The following CRYL1 variants were observed in gnomAD, a reference collection of about 807,000 sequenced individuals.
CRYL1 encodes crystallin lambda 1, also known as lambda-crystallin homolog.
In CRYL1, 29 loss-of-function variants were observed where a neutral mutation model predicts 36.6. That is an observed-to-expected ratio of 0.79 (90% CI 0.59 to 1.08). CRYL1 has a LOEUF of 1.08. Ranked by LOEUF, CRYL1 falls within the 50% of genes least tolerant of loss-of-function variation. The probability of loss-of-function intolerance (pLI) is 0.00; values close to 1 mark genes in which losing one functional copy is unlikely to be tolerated. For missense variants in CRYL1, 411 were observed against 407.9 expected (o/e 1.01, Z -0.06); for synonymous variants, 152 against 151.5 (o/e 1.00, Z -0.02).
rs192344553 is a variant in CRYL1, at chr13:20,510,866, G to A, written c.149+1577C>T. On this transcript the variant is annotated intron_variant, in intron 2 of 7. Transcript: ENST00000298248. ...GAGCTCAGGCAAAAGGGTTTATTAC[G>A]AGAATTTAATACAGTAAGATTACTA... Among the ~76,000 whole-genome samples, 441 of 151,952 alleles carry A rather than the reference G, an allele frequency of 2.9e-3. 3 individuals are homozygous for A. Among genetic ancestry groups the A allele is most frequent in the Non-Finnish European group, 2.1e-3 (145 of 67,940 alleles).
intron 3 of CRYL1, among the ~76,000 whole-genome samples, chr13:20,465,786 C>T (rs2032919326): frequency 6.6e-6 from 1 of 152,174 alleles, no homozygotes; most frequent in Admixed American, 6.5e-5. Flanking sequence ...ATATTTGATC[C>T]TCCAAATCTC....
At chr13:20,455,272 C>G (rs1190199390) in intron 3 of CRYL1, among the ~76,000 whole-genome samples, 1 of 152,076 alleles carries the variant, frequency 6.6e-6, no homozygotes, top group Non-Finnish European at 1.5e-5. Flanking sequence ...TGAAATAAGT[C>G]AAAGGAGGCC....
chr13:20,407,840 G>A (rs1257777750), intron 6 of CRYL1, among the ~76,000 whole-genome samples: 1 of 152,176 alleles, frequency 6.6e-6, no homozygotes, highest in Non-Finnish European at 1.5e-5. Flanking sequence ...GGCCTCTGAG[G>A]GACAGTGGGT....
chr13:20,523,568 C>A (rs1313376406), intron 1 of CRYL1, among the ~76,000 whole-genome samples: 1 of 152,064 alleles, frequency 6.6e-6, no homozygotes, highest in Admixed American at 6.5e-5. Context: ...ATTCCCCAAG[C>A]CCTATTTGTT....
At chr13:20,430,768 C>T in intron 5 of CRYL1, 2 of 985,378 alleles carry the variant, frequency 2.0e-6, no homozygotes, top group Non-Finnish European at 2.4e-6. Flanking sequence ...GCCTGTAAAA[C>T]CCCACAAGGT....
chr13:20,489,540 C>T (rs757061313), intron 2 of CRYL1, 44 bp from the exon 3 acceptor site: 1 of 1,603,928 alleles, frequency 6.2e-7, no homozygotes, highest in South Asian at 1.1e-5. Flanking sequence ...TTCAACACCA[C>T]ATTTAAAAAC....
At position 20,432,258 on chromosome 13, in the gene CRYL1, G is replaced by C; in HGVS notation, c.477C>G (p.Val159=). 6.2e-7 allele frequency: 1 copy of C among 1,613,486 alleles called. No individual in the cohort carries two copies. Among genetic ancestry groups the C allele is most frequent in the East Asian group, 2.2e-5 (1 of 44,846 alleles). ...TCGTAGGGGCCGTCTCCGGGTGGGGGACCAGCTCAACCAGCGGGATGTAGT... is the reference window on the plus strand; with the variant it reads ...TCGTAGGGGCCGTCTCCGGGTGGGGCACCAGCTCAACCAGCGGGATGTAGT... The part of the protein sequence containing the change: ...PPYYIPLVEL[V]PHPETAPTTV... Residue 159 remains valine (V), a synonymous_variant, in exon 5 of 8, where the codon GTC becomes GTG. Coordinates refer to ENST00000298248, the MANE Select transcript of CRYL1 (RefSeq NM_015974.3).
chr13:20,508,848 CAAAAAAA>C (rs1179533995), intron 2 of CRYL1, among the ~76,000 whole-genome samples: 8 of 10,448 alleles, frequency 7.7e-4, no homozygotes, highest in Non-Finnish European at 1.2e-3. Context: ...AGCGAGACTC[CAAAAAAA>C]AAAAAAAAAA....
intron 3 of CRYL1, among the ~76,000 whole-genome samples, chr13:20,441,014 G>A (rs1007605239): frequency 8.5e-5 from 13 of 152,142 alleles, no homozygotes; most frequent in African/African-American, 2.4e-4. Flanking sequence ...GGTGGAAGAC[G>A]CAAGAGCTGC....
rs147708201 is a variant in CRYL1 at position 20,477,319 on chromosome 13, C to T, written c.276+12051G>A. 1.3e-3 allele frequency among the ~76,000 whole-genome samples: 196 copies of T among 151,996 alleles called. 1 individual carries two copies. The highest frequency in any genetic ancestry group is 6.8e-3 in the Middle Eastern group (2 of 294). On this transcript the variant is annotated intron_variant, in intron 3 of 7. Transcript: ENST00000298248. ...TTCCAACCTGGGCAGCAGAGCAAGA[C>T]CTTGACTCTAAAAATCTTAAGTAAT... is the stretch of plus-strand genomic sequence containing the variant.
intron 3 of CRYL1, among the ~76,000 whole-genome samples, chr13:20,488,322 T>G (rs2033441393): frequency 6.6e-6 from 1 of 152,176 alleles, no homozygotes; most frequent in African/African-American, 2.4e-5. Context: ...TAAAGTCCCT[T>G]CAACTTCATA....
chr13:20,422,509 T>C (rs73441789), intron 5 of CRYL1, among the ~76,000 whole-genome samples: 2,130 of 152,324 alleles, frequency 0.014, 50 homozygotes, highest in African/African-American at 0.047. Flanking sequence ...GGTACAAACG[T>C]GCTCCCTTGC....
intron 1 of CRYL1, among the ~76,000 whole-genome samples, chr13:20,524,024 C>T (rs1169201618): frequency 2.0e-5 from 3 of 152,138 alleles, no homozygotes; most frequent in Non-Finnish European, 4.4e-5. Flanking sequence ...CTTTGGGAGG[C>T]CAAAGCGCTT....
intron 3 of CRYL1, among the ~76,000 whole-genome samples, chr13:20,460,542 T>C (rs1185691489): frequency 3.3e-5 from 2 of 60,412 alleles, no homozygotes; most frequent in African/African-American, 6.3e-5. Flanking sequence ...TTTTTTTTTT[T>C]TGAGACGGAG....
chr13:20,457,032 AG>A (rs893728665), intron 3 of CRYL1, among the ~76,000 whole-genome samples: 1 of 152,078 alleles, frequency 6.6e-6, no homozygotes, highest in African/African-American at 2.4e-5. Flanking sequence ...GTGCACTGGC[AG>A]CCCAGCTCAA....
At chr13:20,483,815 G>A (rs574251381) in intron 3 of CRYL1, among the ~76,000 whole-genome samples, 26 of 151,440 alleles carry the variant, frequency 1.7e-4, no homozygotes, top group South Asian at 8.3e-4. Context: ...TTCTGGGATC[G>A]CAGGCATGAG....
chr13:20,470,133 C>T (rs1348230587), intron 3 of CRYL1, among the ~76,000 whole-genome samples: 3 of 152,192 alleles, frequency 2.0e-5, no homozygotes, highest in Admixed American at 6.5e-5. Flanking sequence ...TTCAGCAGCC[C>T]ACTGTTGCCA....
At chr13:20,464,643 T>C (rs2032896280) in intron 3 of CRYL1, among the ~76,000 whole-genome samples, 3 of 152,186 alleles carry the variant, frequency 2.0e-5, no homozygotes, top group African/African-American at 7.2e-5. Context: ...TTGGCCATCT[T>C]AATAGTGGGC....
chr13:20,503,478 C>A (rs553554041), intron 2 of CRYL1, among the ~76,000 whole-genome samples: 24 of 152,316 alleles, frequency 1.6e-4, no homozygotes, highest in African/African-American at 5.8e-4. Context: ...CTCCCGCTGA[C>A]TAGGCTGGGC....
Sources: allele counts gnomAD v4.1 joint callset (sites outside exome capture counted in the v4.1 genomes callset), GRCh38; gene constraint gnomAD v4.1.1; transcripts MANE v1.5; gene names NCBI Gene and HGNC (gene_info 2026-07-23, HGNC 2026-07-21).